The following STK25 variants were observed in gnomAD, a reference collection of about 807,000 sequenced individuals.
STK25 encodes the protein serine/threonine kinase 25.
In STK25, 29 loss-of-function variants were observed where a neutral mutation model predicts 53.8. The observed-to-expected ratio is 0.54, with a 90% CI of 0.40 to 0.74. The LOEUF (loss-of-function observed/expected upper bound fraction) is 0.74, where lower values mean the gene tolerates loss of function less well. STK25 is among the 30% of genes least tolerant of loss of function. The pLI is 0.00. For synonymous variants in STK25, 247 were observed against 238.3 expected (o/e 1.04, Z -0.33); for missense variants, 420 against 568.0 (o/e 0.74, Z 2.65).
chr2:241,493,982 G>C lies in STK25; in HGVS notation c.*1680C>G. 7.6e-7 allele frequency: 1 copy of C among 1,320,506 alleles called. No homozygotes were observed. Among genetic ancestry groups the C allele is most frequent in the African/African-American group, 1.5e-5 (1 of 65,662 alleles). 81.8% of individuals were successfully genotyped at this position (1,320,506 alleles called of 1,614,324 possible). ...GTGTCTGAGCACAAGATGGCTCACT[G>C]GTCTGATGGCCGCCCTCTCCTCCAG... On this transcript the variant is annotated 3_prime_UTR_variant, in exon 12 of 12. Coordinates refer to ENST00000316586, the MANE Select transcript of STK25 (RefSeq NM_001271977.2).
rs1316285041 is a variant in STK25 at position 241,499,070 on chromosome 2, G to A, written c.690C>T (p.Asn230=). 5 of 1,614,030 alleles carry A rather than the reference G, an allele frequency of 3.1e-6. No individual in the cohort carries two copies. Among genetic ancestry groups the A allele is most frequent in the Non-Finnish European group, 4.2e-6 (5 of 1,180,014 alleles). ...PMRVLFLIPK[N]SPPTLEGQHS... is the part of the protein sequence containing the mutation. The stretch of plus-strand genomic sequence containing the variant: ...GCTGGCCCTCCAGTGTGGGTGGGCT[G>A]TTCTTGGGAATCAGGAACAGGACGC... Residue 230 remains asparagine (N), a synonymous_variant, in exon 7 of 12, where the codon AAC becomes AAT. Transcript: ENST00000316586.
intron 5 of STK25, 85 bp downstream of exon 5, chr2:241,500,088 G>T: frequency 8.6e-7 from 1 of 1,164,492 alleles, no homozygotes; most frequent in Non-Finnish European, 1.3e-6. Context: ...GGCACCACTA[G>T]CCACTTGCCC....
At position 241,493,440 on chromosome 2, in the gene STK25, GA is replaced by G; in HGVS notation, c.*2221del. The G allele has an allele frequency of 6.2e-7, 1 of 1,613,810 alleles. No homozygotes were observed. Among genetic ancestry groups the G allele is most frequent in the Non-Finnish European group, 8.5e-7 (1 of 1,179,964 alleles). On this transcript the variant is annotated 3_prime_UTR_variant, in exon 12 of 12. Transcript: ENST00000316586. ...CCGGGCTGAGAGCAAGTACACATTT[GA>G]AAGGTAATTTTGCAGGAGGCAGCCC...
rs755282181 is a variant in STK25, at chr2:241,500,313, G to A, written c.319-32C>T. The A allele has an allele frequency of 2.0e-6, 3 of 1,524,648 alleles. No individual in the cohort carries two copies. The East Asian group carries it at 6.8e-5, about 34-fold the overall frequency. 94.4% of individuals were successfully genotyped at this position (1,524,648 alleles called of 1,614,324 possible). A position where few individuals can be genotyped will look rare whatever the true frequency, so the allele number is the denominator to read the frequency against. Reference sequence around the variant, plus strand: ...AGGAAGGTGCGACAGCAGGGCCTCAGCTCCTGTCCCAGGCCCAATGCCTGA... The same window carrying A: ...AGGAAGGTGCGACAGCAGGGCCTCAACTCCTGTCCCAGGCCCAATGCCTGA... On this transcript the variant is annotated intron_variant, in intron 4 of 11. Coordinates refer to ENST00000316586, the MANE Select transcript of STK25 (RefSeq NM_001271977.2).
rs547315803 is a variant in STK25 at position 241,498,343 on chromosome 2, G to A, written c.924C>T (p.Gly308=). Residue 308 remains glycine, a synonymous_variant, in exon 9 of 12, where the codon GGC becomes GGT. Transcript: ENST00000316586. The stretch of plus-strand genomic sequence containing the variant: ...GGCCCTGCTCCCCGTCCTCCGCCTC[G>A]CCATCACTGAAGAGGATGAGGAGTT... The part of the protein sequence containing the change: ...ESSSEDSDID[G]EAEDGEQGPI... 4.9e-5 allele frequency: 77 copies of A among 1,585,756 alleles called. 1 individual carries two copies. Among genetic ancestry groups the A allele is most frequent in the South Asian group, 3.1e-4 (27 of 87,744 alleles).
chr2:241,492,726 G>A lies in STK25; in HGVS notation c.*2936C>T. 1.8e-6 allele frequency: 1 copy of A among 542,704 alleles called. No homozygotes were observed. The highest frequency in any genetic ancestry group is 2.5e-5 in the South Asian group (1 of 40,406). The allele number at this position is 542,704 out of a possible 1,614,324, so 33.6% of individuals were successfully genotyped here. ...AGGGAAAGGGAACTCACTTTACTTG[G>A]TGCCTGGAATGTCACTCTAGGTTTT... On this transcript the variant is annotated 3_prime_UTR_variant, in exon 12 of 12. Transcript: ENST00000316586.
intron 1 of STK25, 21 bp downstream of exon 1, chr2:241,508,422 C>G: frequency 9.2e-7 from 1 of 1,087,264 alleles, no homozygotes; most frequent in South Asian, 2.5e-5. Flanking sequence ...CCGCAAGCGC[C>G]CCGCCCGGCA....
chr2:241,494,169 G>A lies in STK25; in HGVS notation c.*1493C>T. 1 of 1,240,362 alleles carries A rather than the reference G, an allele frequency of 8.1e-7. No individual in the cohort carries two copies. The highest frequency in any genetic ancestry group is 1.1e-6 in the Non-Finnish European group (1 of 910,590). 76.8% of individuals were successfully genotyped at this position (1,240,362 alleles called of 1,614,324 possible). A position where few individuals can be genotyped will look rare whatever the true frequency, so the allele number is the denominator to read the frequency against. ...TTGGACACAACTACAAAGAACAGCA[G>A]GACACAGAGGTGACCTCTGTCCTGA... On this transcript the variant is annotated 3_prime_UTR_variant, in exon 12 of 12. Coordinates refer to ENST00000316586, the MANE Select transcript of STK25 (RefSeq NM_001271977.2). This position sits in a 1 kb window ranked among gnomAD's most constrained non-coding sequence, Gnocchi z 4.9.
chr2:241,508,468 C>A lies in STK25; in HGVS notation c.-126G>T, dbSNP rs1363083848. The A allele has an allele frequency of 1.9e-6, 2 of 1,066,844 alleles. No individual in the cohort carries two copies. The highest frequency in any genetic ancestry group is 2.3e-6 in the Non-Finnish European group (2 of 878,872). The allele number at this position is 1,066,844 out of a possible 1,614,324, so 66.1% of individuals were successfully genotyped here. On this transcript the variant is annotated 5_prime_UTR_variant, in exon 1 of 12. Coordinates refer to ENST00000316586, the MANE Select transcript of STK25 (RefSeq NM_001271977.2). ...CTCCGCGGGGCTCCATCCCGGCCTCCCCCGGCCCGCTCTGCAGCGCCCGCG... is the reference window on the plus strand; with the variant it reads ...CTCCGCGGGGCTCCATCCCGGCCTCACCCGGCCCGCTCTGCAGCGCCCGCG...
chr2:241,494,172 C>G lies in STK25; in HGVS notation c.*1490G>C, dbSNP rs956214959. 2 of 1,216,970 alleles carry G rather than the reference C, an allele frequency of 1.6e-6. No individual in the cohort carries two copies. The highest frequency in any genetic ancestry group is 5.6e-5 in the East Asian group (2 of 35,474). 75.4% of individuals were successfully genotyped at this position (1,216,970 alleles called of 1,614,324 possible). Reference sequence around the variant, plus strand: ...GACACAACTACAAAGAACAGCAGGACACAGAGGTGACCTCTGTCCTGAGGC... The same window carrying G: ...GACACAACTACAAAGAACAGCAGGAGACAGAGGTGACCTCTGTCCTGAGGC... On this transcript the variant is annotated 3_prime_UTR_variant, in exon 12 of 12. Transcript: ENST00000316586. This position sits in a 1 kb window ranked among gnomAD's most constrained non-coding sequence, Gnocchi z 4.9.
intron 2 of STK25, among the ~76,000 whole-genome samples, chr2:241,503,664 T>G (rs2065643331): frequency 7.6e-6 from 1 of 132,418 alleles, no homozygotes; most frequent in Non-Finnish European, 1.5e-5. Flanking sequence ...GCCACTGCAC[T>G]CCAGCCTGGG....
At chr2:241,507,217 G>T (rs1397272787) in intron 2 of STK25, among the ~76,000 whole-genome samples, 1 of 152,212 alleles carries the variant, frequency 6.6e-6, no homozygotes, top group Non-Finnish European at 1.5e-5. Context: ...GTGGGGAGGG[G>T]TAGAGAATGC....
chr2:241,493,959 G>C lies in STK25; in HGVS notation c.*1703C>G, dbSNP rs2065031903. ...TATCCTGGGTTGTTCTTGGGACAGT[G>C]TCTGAGCACAAGATGGCTCACTGGT... On this transcript the variant is annotated 3_prime_UTR_variant, in exon 12 of 12. Transcript: ENST00000316586. The C allele has an allele frequency of 2.5e-6, 3 of 1,182,730 alleles. No individual in the cohort carries two copies. The East Asian group carries it at 8.4e-5, about 33-fold the overall frequency. 73.3% of individuals were successfully genotyped at this position (1,182,730 alleles called of 1,614,324 possible).
At chr2:241,505,390 G>C (rs1449479439) in intron 2 of STK25, among the ~76,000 whole-genome samples, 1 of 152,158 alleles carries the variant, frequency 6.6e-6, no homozygotes, top group Non-Finnish European at 1.5e-5. Context: ...AGGTCTGTTG[G>C]TGCCCTGAGC....
Position 241,495,544 on chromosome 2 carries a change from C to G in STK25, c.*118G>C. 9.0e-7 allele frequency: 1 copy of G among 1,112,400 alleles called. No homozygotes were observed. Among genetic ancestry groups the G allele is most frequent in the Non-Finnish European group, 1.4e-6 (1 of 737,358 alleles). 68.9% of individuals were successfully genotyped at this position (1,112,400 alleles called of 1,614,324 possible). Reference sequence around the variant, plus strand: ...ACCTGGCATGTGAGGCCCACGGGATCCGACGTGTCCCTGCAGGCACGACAT... The same window carrying G: ...ACCTGGCATGTGAGGCCCACGGGATGCGACGTGTCCCTGCAGGCACGACAT... On this transcript the variant is annotated 3_prime_UTR_variant, in exon 12 of 12. Coordinates refer to ENST00000316586, the MANE Select transcript of STK25 (RefSeq NM_001271977.2).
Position 241,494,184 on chromosome 2 carries a change from C to T in STK25, c.*1478G>A, listed in dbSNP as rs2065040640. ...AAGAACAGCAGGACACAGAGGTGAC[C>T]TCTGTCCTGAGGCTTCTCAACAGAT... On this transcript the variant is annotated 3_prime_UTR_variant, in exon 12 of 12. Transcript: ENST00000316586. The surrounding 1 kb of genome is among the most constrained non-coding windows in gnomAD (Gnocchi z 4.9). 1 of 1,105,450 alleles carries T rather than the reference C, an allele frequency of 9.0e-7. No homozygotes were observed. The highest frequency in any genetic ancestry group is 1.3e-6 in the Non-Finnish European group (1 of 796,440). 68.5% of individuals were successfully genotyped at this position (1,105,450 alleles called of 1,614,324 possible).
At chr2:241,499,578 G>T in intron 5 of STK25, 164 bp from the exon 6 acceptor site, 1 of 814,174 alleles carries the variant, frequency 1.2e-6, no homozygotes, top group Non-Finnish European at 1.9e-6. Flanking sequence ...GGGCCACCTA[G>T]GGCCACAGGG....
Position 241,492,768 on chromosome 2 carries a change from G to GACTT in STK25, c.*2890_*2893dup, listed in dbSNP as rs752244957. On this transcript the variant is annotated 3_prime_UTR_variant, in exon 12 of 12. Coordinates refer to ENST00000316586, the MANE Select transcript of STK25 (RefSeq NM_001271977.2). ...CTAGGTTTTTAACATGCTTCTGTTG[G>GACTT]ACTTAAGTACTGATAAAGCTGCTGT... The GACTT allele has an allele frequency of 3.4e-5, 19 of 566,104 alleles. No individual in the cohort carries two copies. Among genetic ancestry groups the GACTT allele is most frequent in the Non-Finnish European group, 4.4e-5 (14 of 316,734 alleles). 35.1% of individuals were successfully genotyped at this position (566,104 alleles called of 1,614,324 possible).
chr2:241,499,570 G>A (rs867759538), intron 5 of STK25, 156 bp from the exon 6 acceptor site: 9 of 886,670 alleles, frequency 1.0e-5, no homozygotes, highest in Non-Finnish European at 1.2e-5. Flanking sequence ...CAAACCCAGG[G>A]CCACCTAGGG....
Sources: gnomAD v4.1 joint callset for allele counts (sites outside exome capture counted in the v4.1 genomes callset) on GRCh38, gnomAD v4.1.1 for gene constraint, Gnocchi (gnomAD v3.1) non-coding constraint, MANE v1.5 for transcripts, NCBI Gene and HGNC (gene_info 2026-07-23, HGNC 2026-07-21) for gene names.